CHCHD3: variants seen among roughly 807,000 people sequenced by gnomAD.
The protein encoded by CHCHD3 is MICOS complex subunit MIC19.
A neutral mutation model predicts 38.2 loss-of-function variants in CHCHD3; 20 were observed. That is an observed-to-expected ratio of 0.52 (90% CI 0.37 to 0.76). The LOEUF (loss-of-function observed/expected upper bound fraction) is 0.76. CHCHD3 is among the 30% of genes least tolerant of loss of function. The probability of loss-of-function intolerance (pLI) is 0.00; values close to 1 mark genes in which losing one functional copy is unlikely to be tolerated. For synonymous variants in CHCHD3, 82 were observed against 100.0 expected (o/e 0.82, Z 1.07); for missense variants, 245 against 279.2 (o/e 0.88, Z 0.87).
chr7:132,796,312 TC>T, intron 7 of CHCHD3, 129 bp downstream of exon 7: 1 of 966,476 alleles, frequency 1.0e-6, no homozygotes, highest in Non-Finnish European at 1.5e-6. Flanking sequence ...TTACAGTAAT[TC>T]TTGATGATGA....
chr7:132,953,123 A>G (rs1264877856), intron 4 of CHCHD3, among the ~76,000 whole-genome samples: 1 of 152,130 alleles, frequency 6.6e-6, no homozygotes, highest in Non-Finnish European at 1.5e-5. Context: ...TTCCTCAGTG[A>G]TAGCTAGTCT....
intron 4 of CHCHD3, among the ~76,000 whole-genome samples, chr7:132,913,919 G>C (rs1047305074): frequency 1.5e-4 from 23 of 149,870 alleles, no homozygotes; most frequent in Non-Finnish European, 2.8e-4. Flanking sequence ...CTTATCAACA[G>C]AAAAAGGCTC....
At chr7:132,898,976 C>T (rs1809593180) in intron 4 of CHCHD3, among the ~76,000 whole-genome samples, 1 of 152,210 alleles carries the variant, frequency 6.6e-6, no homozygotes, top group Admixed American at 6.5e-5. Context: ...CCGGTTCCCG[C>T]TCGCGCCTCC....
chr7:132,860,762 G>C (rs975544163), intron 5 of CHCHD3, among the ~76,000 whole-genome samples: 1 of 152,004 alleles, frequency 6.6e-6, no homozygotes, highest in African/African-American at 2.4e-5. Flanking sequence ...AAATAGATGC[G>C]ATTACAGGTG....
intron 3 of CHCHD3, among the ~76,000 whole-genome samples, chr7:133,020,554 C>G (rs1426032289): frequency 6.6e-6 from 1 of 152,202 alleles, no homozygotes; most frequent in Non-Finnish European, 1.5e-5. Flanking sequence ...CTGAAGTGTA[C>G]ATGGACTGCA....
intron 3 of CHCHD3, among the ~76,000 whole-genome samples, chr7:132,976,582 A>G (rs1811774781): frequency 6.6e-6 from 1 of 152,208 alleles, no homozygotes; most frequent in Non-Finnish European, 1.5e-5. Context: ...TTGAGAGAAT[A>G]ACCCTACTAT....
chr7:133,052,999 G>T (rs1243500274), intron 2 of CHCHD3, among the ~76,000 whole-genome samples: 1 of 152,146 alleles, frequency 6.6e-6, no homozygotes, highest in African/African-American at 2.4e-5. Context: ...GGATCCCTTT[G>T]TTCCATAATG....
chr7:132,969,549 A>G (rs965714328), intron 4 of CHCHD3, among the ~76,000 whole-genome samples: 4 of 152,204 alleles, frequency 2.6e-5, no homozygotes, highest in Admixed American at 6.5e-5. Context: ...TTGTATTTCA[A>G]ATGATATGAA....
At chr7:132,942,525 G>A (rs1394491588) in intron 4 of CHCHD3, among the ~76,000 whole-genome samples, 1 of 152,104 alleles carries the variant, frequency 6.6e-6, no homozygotes, top group East Asian at 1.9e-4. Context: ...ATTCTCTGAA[G>A]ATTCTAACAG....
At chr7:133,015,641 G>C (rs1813008419) in intron 3 of CHCHD3, among the ~76,000 whole-genome samples, 1 of 152,102 alleles carries the variant, frequency 6.6e-6, no homozygotes, top group South Asian at 2.1e-4. Context: ...TTTAAAGAAG[G>C]TATTCCCTGT....
At chr7:132,956,732 C>A (rs188111310) in intron 4 of CHCHD3, among the ~76,000 whole-genome samples, 65 of 152,278 alleles carry the variant, frequency 4.3e-4, no homozygotes, top group African/African-American at 1.3e-3. Context: ...AACTGATAGT[C>A]TAGGCCTTTT....
chr7:132,944,044 T>C (rs1810838194), intron 4 of CHCHD3, among the ~76,000 whole-genome samples: 1 of 152,136 alleles, frequency 6.6e-6, no homozygotes, highest in African/African-American at 2.4e-5. Context: ...AGCATGCATG[T>C]ACAGAAAGAA....
chr7:132,997,408 C>T (rs1490251620), intron 3 of CHCHD3, among the ~76,000 whole-genome samples: 1 of 151,960 alleles, frequency 6.6e-6, no homozygotes, highest in Non-Finnish European at 1.5e-5. Context: ...AGTATTTCAC[C>T]TACTTCAGAT....
intron 7 of CHCHD3, among the ~76,000 whole-genome samples, chr7:132,790,440 G>A (rs2117019992): frequency 6.6e-6 from 1 of 152,296 alleles, no homozygotes; most frequent in Admixed American, 6.5e-5. Context: ...CTCTCAGAAA[G>A]TGGTTTAGAA....
chr7:133,047,078 A>G (rs1814013460), intron 2 of CHCHD3, among the ~76,000 whole-genome samples: 1 of 152,162 alleles, frequency 6.6e-6, no homozygotes, highest in Non-Finnish European at 1.5e-5. Flanking sequence ...TGCTTCCACG[A>G]GCTGCTGGGA....
chr7:133,041,986 G>C (rs1480438022), intron 2 of CHCHD3, among the ~76,000 whole-genome samples: 1 of 152,194 alleles, frequency 6.6e-6, no homozygotes, highest in Non-Finnish European at 1.5e-5. Context: ...GCATAAGTTA[G>C]GTAAAATACG....
intron 2 of CHCHD3, 78 bp downstream of exon 2, chr7:133,070,064 G>C (rs1814774403): frequency 4.0e-6 from 4 of 989,498 alleles, no homozygotes; most frequent in Non-Finnish European, 6.1e-6. Context: ...CAGAATGCTA[G>C]AGAACTTGAC....
At chr7:132,897,006 A>G (rs1809517891) in intron 4 of CHCHD3, among the ~76,000 whole-genome samples, 1 of 152,242 alleles carries the variant, frequency 6.6e-6, no homozygotes, top group Non-Finnish European at 1.5e-5. Context: ...ACTGAATGCT[A>G]CCATCACTGG....
chr7:132,796,645 A>G (rs1198086049), intron 6 of CHCHD3, 68 bp from the exon 7 acceptor site: 4 of 1,404,474 alleles, frequency 2.8e-6, no homozygotes, highest in Non-Finnish European at 4.0e-6. Context: ...AGGTTAAAGA[A>G]CACATAAAAC....
Sources: allele counts gnomAD v4.1 joint callset (sites outside exome capture counted in the v4.1 genomes callset), GRCh38; gene constraint gnomAD v4.1.1; transcripts MANE v1.5; gene names NCBI Gene and HGNC (gene_info 2026-07-23, HGNC 2026-07-21).